Variants in FAR2 observed in about 807,000 individuals in gnomAD.
FAR2 encodes the protein epididymis secretory protein Li 81.
FAR2 carries 19 observed loss-of-function variants against 56.0 expected under a neutral mutation model. The observed-to-expected ratio is 0.34, with a 90% CI of 0.24 to 0.50. The LOEUF is 0.50. Among genes scored for constraint, FAR2 ranks in the 20% least tolerant of loss-of-function variants. The probability of loss-of-function intolerance (pLI) is 0.98; values close to 1 mark genes in which losing one functional copy is unlikely to be tolerated. For synonymous variants in FAR2, 219 were observed against 218.8 expected (o/e 1.00, Z -0.01); for missense variants, 508 against 642.2 (o/e 0.79, Z 2.26).
chr12:29,317,134 G>A (rs1949464186), intron 9 of FAR2, 122 bp downstream of exon 9: 1 of 1,041,276 alleles, frequency 9.6e-7, no homozygotes, highest in South Asian at 2.3e-5. Flanking sequence ...CATATATACA[G>A]ATTGAACACA....
intron 1 of FAR2, among the ~76,000 whole-genome samples, chr12:29,238,284 C>A (rs1947971946): frequency 6.6e-6 from 1 of 151,998 alleles, no homozygotes; most frequent in Admixed American, 6.6e-5. Flanking sequence ...ATATGGAAAT[C>A]TAATTGTTTC....
chr12:29,241,749 T>C (rs1297129139), intron 1 of FAR2, among the ~76,000 whole-genome samples: 1 of 152,228 alleles, frequency 6.6e-6, no homozygotes, highest in Admixed American at 6.5e-5. Flanking sequence ...TGTTTCCTGT[T>C]GCCTATTCCA....
intron 10 of FAR2, among the ~76,000 whole-genome samples, chr12:29,326,174 C>G (rs530847475): frequency 2.0e-5 from 3 of 151,768 alleles, no homozygotes; most frequent in African/African-American, 7.2e-5. Flanking sequence ...AATTCCTCGA[C>G]ACATACACCC....
chr12:29,314,646 G>A (rs1363773275), intron 8 of FAR2, among the ~76,000 whole-genome samples: 2 of 151,884 alleles, frequency 1.3e-5, no homozygotes, highest in East Asian at 3.9e-4. Context: ...AGAGCTAGAG[G>A]CTTCTTTTGT....
chr12:29,310,888 CA>C (rs1949336409), intron 6 of FAR2, 139 bp from the exon 7 acceptor site: 1 of 658,694 alleles, frequency 1.5e-6, no homozygotes, highest in Non-Finnish European at 2.7e-6. Context: ...TCAGACTTAG[CA>C]TAAGAACCTG....
chr12:29,200,711 G>A (rs1339367344), intron 1 of FAR2, among the ~76,000 whole-genome samples: 2 of 152,186 alleles, frequency 1.3e-5, no homozygotes, highest in African/African-American at 4.8e-5. Flanking sequence ...AGGAAGAGTA[G>A]TTTACCTAGC....
intron 2 of FAR2, among the ~76,000 whole-genome samples, chr12:29,285,642 C>T (rs190048578): frequency 2.5e-4 from 38 of 152,266 alleles, no homozygotes; most frequent in Admixed American, 1.5e-3. Context: ...TCAAATTGGC[C>T]GGGCTTGGTG....
Position 29,227,332 on chromosome 12 carries a change from T to C in FAR2, c.-38-43080T>C, listed in dbSNP as rs1462963459. Among the ~76,000 whole-genome samples, 7 of 152,168 alleles carry C rather than the reference T, an allele frequency of 4.6e-5. No individual in the cohort carries two copies. In the East Asian group the frequency reaches 1.3e-3, roughly 29 times the overall value. On this transcript the variant is annotated intron_variant, in intron 1 of 11. Transcript: ENST00000536681. ...AAATAGAAACATTACAATCAACATA[T>C]CTGAAGCAAAACATTGTCAATATAG... is the stretch of plus-strand genomic sequence containing the variant.
chr12:29,170,067 A>G (rs1265755911), intron 1 of FAR2, among the ~76,000 whole-genome samples: 1 of 152,216 alleles, frequency 6.6e-6, no homozygotes, highest in Non-Finnish European at 1.5e-5. Flanking sequence ...CATTCAGCCC[A>G]TATTAACTTA....
At chr12:29,263,664 T>C (rs1324635226) in intron 1 of FAR2, among the ~76,000 whole-genome samples, 2 of 118,738 alleles carry the variant, frequency 1.7e-5, no homozygotes, top group East Asian at 2.4e-4. Context: ...TTATTCTTGG[T>C]AGGTTGTACA....
intron 1 of FAR2, among the ~76,000 whole-genome samples, chr12:29,194,962 G>C (rs553113111): frequency 1.3e-4 from 20 of 152,240 alleles, no homozygotes; most frequent in African/African-American, 4.8e-4. Flanking sequence ...TCTTGAAATG[G>C]TCCATACTAT....
chr12:29,178,180 CA>C (rs1949956377), intron 1 of FAR2, among the ~76,000 whole-genome samples: 13 of 60,506 alleles, frequency 2.1e-4, no homozygotes, highest in African/African-American at 5.3e-4. Flanking sequence ...ACCATTATAA[CA>C]ATAAAAAAAA....
At chr12:29,192,260 G>A (rs937987545) in intron 1 of FAR2, among the ~76,000 whole-genome samples, 11 of 152,226 alleles carry the variant, frequency 7.2e-5, no homozygotes, top group South Asian at 2.1e-4. Flanking sequence ...TAAATTAAAC[G>A]GATGCAAATT....
intron 1 of FAR2, among the ~76,000 whole-genome samples, chr12:29,238,589 T>A (rs79517412): frequency 0.068 from 10,345 of 152,134 alleles, 400 homozygotes; most frequent in South Asian, 0.13. Context: ...GACAAAATGT[T>A]TGGAAACAGC....
chr12:29,157,519 C>A (rs974952839), intron 1 of FAR2, among the ~76,000 whole-genome samples: 1 of 152,130 alleles, frequency 6.6e-6, no homozygotes, highest in Non-Finnish European at 1.5e-5. Flanking sequence ...AATATGGCTT[C>A]TCCAACCACT....
Position 29,311,871 on chromosome 12 carries a change from T to G in FAR2, c.888-12T>G. Reference sequence around the variant, plus strand: ...TTTGTTGTACTTATCTAATTTTTATTTCATTTTCCAGACCTAAGTCAACAT... The same window carrying G: ...TTTGTTGTACTTATCTAATTTTTATGTCATTTTCCAGACCTAAGTCAACAT... On this transcript the variant is annotated splice_polypyrimidine_tract_variant and intron_variant, in intron 7 of 11. Coordinates refer to ENST00000536681, the MANE Select transcript of FAR2 (RefSeq NM_001271783.2). The G allele has an allele frequency of 6.3e-7, 1 of 1,577,982 alleles. No individual in the cohort carries two copies. The highest frequency in any genetic ancestry group is 2.2e-5 in the East Asian group (1 of 44,606).
chr12:29,309,236 T>A lies in FAR2; in HGVS notation c.768+6T>A. The A allele has an allele frequency of 6.3e-7, 1 of 1,590,922 alleles. No individual in the cohort carries two copies. The highest frequency in any genetic ancestry group is 8.6e-7 in the Non-Finnish European group (1 of 1,161,830). ...CTAATGGAATCATTATTGCGGTATG[T>A]ATAATGATGAAGAAATAACTCCCTG... is the stretch of plus-strand genomic sequence containing the variant. On this transcript the variant is annotated splice_donor_region_variant and intron_variant, in intron 6 of 11. Transcript: ENST00000536681.
chr12:29,259,866 T>C lies in FAR2; in HGVS notation c.-38-10546T>C, dbSNP rs117154386. Among the ~76,000 whole-genome samples, 46 of 152,300 alleles carry C rather than the reference T, an allele frequency of 3.0e-4. No homozygotes were observed. The East Asian group carries it at 7.5e-3, about 25-fold the overall frequency. ...TATATAGGATGCTTGGGTGTGTTAGTATTCTGGAGATTGTCAAAGTGACTT... is the reference window on the plus strand; with the variant it reads ...TATATAGGATGCTTGGGTGTGTTAGCATTCTGGAGATTGTCAAAGTGACTT... On this transcript the variant is annotated intron_variant, in intron 1 of 11. Transcript: ENST00000536681.
rs927209461 is a variant in FAR2 at position 29,269,718 on chromosome 12, G to A, written c.-38-694G>A. ...TTCACAATCCACGTTCTTCTGCCAT[G>A]GCTTCAGCCGGTCCCTCTGTTTAAG... On this transcript the variant is annotated intron_variant, in intron 1 of 11. Coordinates refer to ENST00000536681, the MANE Select transcript of FAR2 (RefSeq NM_001271783.2). Among the ~76,000 whole-genome samples the A allele has an allele frequency of 2.6e-5, 4 of 152,294 alleles. No homozygotes were observed. The South Asian group carries it at 8.3e-4, about 32-fold the overall frequency.
Sources: allele counts gnomAD v4.1 joint callset (sites outside exome capture counted in the v4.1 genomes callset), GRCh38; gene constraint gnomAD v4.1.1; transcripts MANE v1.5; gene names NCBI Gene and HGNC (gene_info 2026-07-23, HGNC 2026-07-21).